Variants in NCAPD2 observed in about 807,000 individuals in gnomAD.
NCAPD2 encodes condensin complex subunit 1.
In NCAPD2, 100 loss-of-function variants were observed where a neutral mutation model predicts 164.5. The observed-to-expected ratio is 0.61, with a 90% CI of 0.52 to 0.72. NCAPD2 has a LOEUF of 0.72. Among genes scored for constraint, NCAPD2 ranks in the 30% least tolerant of loss-of-function variants. The pLI, the probability that NCAPD2 is intolerant of heterozygous loss-of-function variation, is 0.00. For missense variants in NCAPD2, 1,560 were observed against 1,749.2 expected (o/e 0.89, Z 1.93); for synonymous variants, 585 against 642.6 (o/e 0.91, Z 1.36).
chr12:6,529,386 AGGCAGACAGG>A (rs1946349751), intron 27 of NCAPD2, 117 bp from the exon 28 acceptor site: 3 of 842,924 alleles, frequency 3.6e-6, no homozygotes, highest in African/African-American at 3.4e-5. Context: ...GGGAGTGGTG[AGGCAGACAGG>A]GGCCGTGGCA....
At chr12:6,503,407 T>C (rs1358731093) in intron 2 of NCAPD2, among the ~76,000 whole-genome samples, 2 of 152,106 alleles carry the variant, frequency 1.3e-5, no homozygotes, top group African/African-American at 2.4e-5. Context: ...CTTGCTGCAT[T>C]GTCACAGGGC....
chr12:6,508,997 T>C (rs563579841), intron 2 of NCAPD2, among the ~76,000 whole-genome samples: 1 of 151,838 alleles, frequency 6.6e-6, no homozygotes, highest in African/African-American at 2.4e-5. Flanking sequence ...AGATAAAGAC[T>C]GGAGGAGAGG....
chr12:6,518,504 GTTTTTTT>G lies in NCAPD2; in HGVS notation c.1589+569_1589+575del, dbSNP rs56183938. Among the ~76,000 whole-genome samples, 62 of 44,782 alleles carry G rather than the reference GTTTTTTT, an allele frequency of 1.4e-3. 5 individuals are homozygous for G. The highest frequency in any genetic ancestry group is 6.3e-3 in the Admixed American group (19 of 3,024). The allele number at this position is 44,782 out of a possible 152,430, so 29.4% of individuals were successfully genotyped here. A position where few individuals can be genotyped will look rare whatever the true frequency, so the allele number is the denominator to read the frequency against. ...CAAAAGCCCTTACAGCCGTCAACAA[GTTTTTTT>G]TTTTTTTTTTTTTTTTTTTTTTTGA... On this transcript the variant is annotated intron_variant, in intron 13 of 31. Transcript: ENST00000315579.
chr12:6,529,382 G>A, intron 27 of NCAPD2, 131 bp from the exon 28 acceptor site: 2 of 818,876 alleles, frequency 2.4e-6, no homozygotes, highest in South Asian at 3.1e-5. Flanking sequence ...CAAGGGGAGT[G>A]GTGAGGCAGA....
At chr12:6,496,118 T>C (rs1291592387) in intron 2 of NCAPD2, among the ~76,000 whole-genome samples, 1 of 150,962 alleles carries the variant, frequency 6.6e-6, no homozygotes, top group Non-Finnish European at 1.5e-5. Flanking sequence ...AGTGCAGTGA[T>C]GCGATATCGG....
In NCAPD2 at chr12:6,495,161, A is replaced by G. The variant is rs1945965897; in HGVS notation, c.63A>G (p.Gly21=). Residue 21 remains glycine, a synonymous_variant, in exon 2 of 32, where the codon GGA becomes GGG. Transcript: ENST00000315579. ...PLSPEELLKS[G]GVNQYVVQEV... ...CCCCAGAGGAGTTGTTGAAAAGTGGAGGGGTGAATCAGTATGTTGTGCAAG... is the reference window on the plus strand; with the variant it reads ...CCCCAGAGGAGTTGTTGAAAAGTGGGGGGGTGAATCAGTATGTTGTGCAAG... The G allele has an allele frequency of 1.2e-6, 2 of 1,614,152 alleles. No individual in the cohort carries two copies. The highest frequency in any genetic ancestry group is 1.3e-5 in the African/African-American group (1 of 75,036).
intron 14 of NCAPD2, 41 bp from the exon 15 acceptor site, chr12:6,521,757 C>G: frequency 6.2e-7 from 1 of 1,601,712 alleles, no homozygotes; most frequent in Non-Finnish European, 8.5e-7. Flanking sequence ...TCCCCTGTAT[C>G]CCCTTGAACG....
intron 4 of NCAPD2, 162 bp downstream of exon 4, chr12:6,510,295 G>T (rs1946134220): frequency 4.7e-6 from 4 of 854,804 alleles, no homozygotes; most frequent in Middle Eastern, 2.2e-4. Flanking sequence ...CCTGTTAAAG[G>T]TCTGTAATCT....
chr12:6,496,459 C>G (rs1483769891), intron 2 of NCAPD2, among the ~76,000 whole-genome samples: 1 of 152,178 alleles, frequency 6.6e-6, no homozygotes, highest in African/African-American at 2.4e-5. Context: ...GGTAAAGACT[C>G]TCTTGCCCAG....
rs183407503 is a variant in NCAPD2 at position 6,496,957 on chromosome 12, T to A, written c.127+1732T>A. Among the ~76,000 whole-genome samples the A allele has an allele frequency of 5.3e-5, 8 of 152,228 alleles. No homozygotes were observed. In the South Asian group the frequency reaches 1.0e-3, roughly 20 times the overall value. On this transcript the variant is annotated intron_variant, in intron 2 of 31. Coordinates refer to ENST00000315579, the MANE Select transcript of NCAPD2 (RefSeq NM_014865.4). ...CGATGGGAATTTTTCAGCTGTATTA[T>A]ATTTTTATGACACCACTGTCGCATA...
intron 6 of NCAPD2, 51 bp from the exon 7 acceptor site, chr12:6,514,214 C>T: frequency 6.2e-7 from 1 of 1,611,440 alleles, no homozygotes; most frequent in Non-Finnish European, 8.5e-7. Flanking sequence ...GGCTCTGATA[C>T]AATTGGATTC....
rs942600606 is a variant in NCAPD2, at chr12:6,527,040, A to G, written c.2884A>G (p.Lys962Glu). The change falls in exon 22 of 32, where the codon AAG becomes GAG. Residue 962 changes from lysine (K) to glutamate (E), a missense_variant. Lys to Glu is a moderately conservative substitution (Grantham distance 56). Coordinates refer to ENST00000315579, the MANE Select transcript of NCAPD2 (RefSeq NM_014865.4). ...RRVLREEQEH[K>E]TKDPKEKNTS... The stretch of plus-strand genomic sequence containing the variant: ...AGTTCTCCGGGAAGAACAGGAGCAC[A>G]AGACCAAAGATCCCAAGGAGAAGGT... 13 of 1,612,482 alleles carry G rather than the reference A, an allele frequency of 8.1e-6. No individual in the cohort carries two copies. The African/African-American group carries it at 1.1e-4, about 13-fold the overall frequency.
At chr12:6,530,856 C>T (rs1946365469) in intron 30 of NCAPD2, 39 bp downstream of exon 30, 4 of 1,560,150 alleles carry the variant, frequency 2.6e-6, no homozygotes, top group Non-Finnish European at 3.5e-6. Context: ...CCAGACTGGG[C>T]CCTCCCCTCC....
Position 6,526,170 on chromosome 12 carries a change from T to C in NCAPD2, c.2451T>C (p.His817=). The stretch of plus-strand genomic sequence containing the variant: ...ACAGGCTGGCCCAGCAGGTGTGCCA[T>C]GCCATTGCCAACATCTCGGACAGGA... ...QDYRLAQQVC[H]AIANISDRRK... is the part of the protein sequence containing the mutation. Residue 817 remains histidine (H), a synonymous_variant, in exon 19 of 32, where the codon CAT becomes CAC. Coordinates refer to ENST00000315579, the MANE Select transcript of NCAPD2 (RefSeq NM_014865.4). 1 of 1,614,176 alleles carries C rather than the reference T, an allele frequency of 6.2e-7. No individual in the cohort carries two copies. Among genetic ancestry groups the C allele is most frequent in the Non-Finnish European group, 8.5e-7 (1 of 1,180,036 alleles).
chr12:6,495,269 CCAT>C, intron 2 of NCAPD2, 44 bp downstream of exon 2: 1 of 1,605,432 alleles, frequency 6.2e-7, no homozygotes, highest in East Asian at 2.2e-5. Context: ...TTTCAAAGGA[CCAT>C]CTCACATGGA....
At chr12:6,501,678 T>G (rs985066870) in intron 2 of NCAPD2, among the ~76,000 whole-genome samples, 1 of 152,170 alleles carries the variant, frequency 6.6e-6, no homozygotes, top group Admixed American at 6.6e-5. Context: ...GCCATGAGAT[T>G]GCAGTGAGTG....
intron 13 of NCAPD2, among the ~76,000 whole-genome samples, chr12:6,520,455 T>TACACCATCACACCCACAGGCAC (rs2137054850): frequency 8.4e-6 from 1 of 118,392 alleles, no homozygotes; most frequent in Non-Finnish European, 1.9e-5. Context: ...CCCACAGGCA[T>TACACCATCACACCCACAGGCAC]ACACCATCAC....
chr12:6,514,746 T>C, intron 8 of NCAPD2, 27 bp from the exon 9 acceptor site: 2 of 1,613,628 alleles, frequency 1.2e-6, no homozygotes, highest in Non-Finnish European at 8.5e-7. Flanking sequence ...TCTATGTTGC[T>C]ATGGCTGTGT....
rs200088499 is a variant in NCAPD2 at position 6,514,532 on chromosome 12, G to A, written c.784G>A (p.Val262Met). 2.4e-5 allele frequency: 38 copies of A among 1,614,208 alleles called. No individual in the cohort carries two copies. The African/African-American group carries it at 3.6e-4, about 15-fold the overall frequency. ...CCTGGCACCTGTACTGGTTGCAGCC[G>A]TGAGTCTATGGGCAACTGACTATGG... is the stretch of plus-strand genomic sequence containing the variant. ...EHLAPVLVAA[V>M]SLWATDYGMK... The change falls in exon 8 of 32, where the codon GTG (valine) becomes ATG (methionine). Residue 262 changes from valine to methionine, a missense_variant. Transcript: ENST00000315579.
Sources: allele counts gnomAD v4.1 joint callset (sites outside exome capture counted in the v4.1 genomes callset), GRCh38; gene constraint gnomAD v4.1.1; transcripts MANE v1.5; gene names NCBI Gene and HGNC (gene_info 2026-07-23, HGNC 2026-07-21).